COL5A1: variants seen among roughly 807,000 people sequenced by gnomAD.
COL5A1 encodes collagen type V alpha 1 chain.
Under a neutral mutation model 263.7 loss-of-function variants are expected in COL5A1, and 16 were observed. That is an observed-to-expected ratio of 0.06 (90% confidence interval 0.04 to 0.09). COL5A1 has a LOEUF of 0.09. Ranked by LOEUF, COL5A1 falls within the 10% of genes least tolerant of loss-of-function variation. The pLI is 1.00. For synonymous variants in COL5A1, 1,012 were observed against 1,004.5 expected, an observed-to-expected ratio of 1.01 and a Z score of -0.14; for missense variants, 2,036 against 2,540.5, an observed-to-expected ratio of 0.80 and a Z score of 4.27.
intron 52 of COL5A1, among the ~76,000 whole-genome samples, chr9:134,816,390 C>T (rs1029914381): frequency 5.3e-5 from 8 of 152,218 alleles, no homozygotes; most frequent in African/African-American, 1.7e-4. Context: ...TGACGCTTGG[C>T]GTTGAGTGTT....
At chr9:134,743,912 C>G (rs931846961) in intron 11 of COL5A1, among the ~76,000 whole-genome samples, 1 of 152,202 alleles carries the variant, frequency 6.6e-6, no homozygotes, top group Non-Finnish European at 1.5e-5. Context: ...TGTGGCTCAC[C>G]TCTACCTAAC....
In COL5A1 at chr9:134,754,857, G is replaced by C. The variant is rs1835915374; in HGVS notation, c.1827+531G>C. On this transcript the variant is annotated intron_variant, in intron 16 of 65. Transcript: ENST00000371817. This position sits in a 1 kb window ranked among gnomAD's most constrained non-coding sequence, Gnocchi z 4.3. ...GCTGACCACCACCCAGACAGGCTGG[G>C]GCAGGCCCTGGGAGCCCAGATTGTG... is the stretch of plus-strand genomic sequence containing the variant. Among the ~76,000 whole-genome samples, 2 of 152,144 alleles carry C rather than the reference G, an allele frequency of 1.3e-5. No individual in the cohort carries two copies. Among genetic ancestry groups the C allele is most frequent in the Non-Finnish European group, 2.9e-5 (2 of 68,028 alleles).
chr9:134,728,622 G>T (rs373479369), intron 5 of COL5A1, 48 bp from the exon 6 acceptor site: 4 of 1,612,366 alleles, frequency 2.5e-6, no homozygotes, highest in Non-Finnish European at 3.4e-6. Flanking sequence ...CAGGCTGGTC[G>T]CTCTGCGGGC....
At position 134,811,408 on chromosome 9, in the gene COL5A1, C is replaced by T. The variant is rs1435756267; in HGVS notation, c.3582+16C>T. 1.2e-6 allele frequency: 2 copies of T among 1,613,674 alleles called. No homozygotes were observed. The highest frequency in any genetic ancestry group is 1.1e-5 in the South Asian group (1 of 91,048). On this transcript the variant is annotated intron_variant, in intron 45 of 65. Coordinates refer to ENST00000371817, the MANE Select transcript of COL5A1 (RefSeq NM_000093.5). ...AGGCCCCTCTGTGAGTATCCATGGT[C>T]AATGACCTTCGAAAAGCCCCACGCC... is the stretch of plus-strand genomic sequence containing the variant.
intron 2 of COL5A1, among the ~76,000 whole-genome samples, chr9:134,692,534 G>A (rs1319199328): frequency 2.0e-5 from 3 of 152,162 alleles, no homozygotes; most frequent in Non-Finnish European, 4.4e-5. Context: ...CCAGGGAAGG[G>A]CTTAGAGAGC....
intron 27 of COL5A1, 132 bp from the exon 28 acceptor site, chr9:134,779,970 T>C: frequency 1.1e-6 from 1 of 952,128 alleles, no homozygotes; most frequent in Non-Finnish European, 1.7e-6. Flanking sequence ...TGGGAGGAAG[T>C]GTGTTGAGGG....
chr9:134,750,745 T>C, intron 12 of COL5A1, 45 bp from the exon 13 acceptor site: 1 of 1,605,180 alleles, frequency 6.2e-7, no homozygotes, highest in Non-Finnish European at 8.5e-7. Flanking sequence ...CTTGCCTGGG[T>C]GCCACGTCAC....
At chr9:134,645,251 G>A (rs2132461203) in intron 1 of COL5A1, among the ~76,000 whole-genome samples, 1 of 152,266 alleles carries the variant, frequency 6.6e-6, no homozygotes, top group East Asian at 1.9e-4. Context: ...GATATTTCTG[G>A]ACTCCCCACC....
chr9:134,826,329 C>T (rs900602062), intron 63 of COL5A1, among the ~76,000 whole-genome samples: 1 of 152,200 alleles, frequency 6.6e-6, no homozygotes, highest in East Asian at 1.9e-4. Flanking sequence ...TATTATCCAG[C>T]CTGTTTCTGT....
intron 1 of COL5A1, among the ~76,000 whole-genome samples, chr9:134,685,436 ATCCATTGTCCATCAT>A: frequency 2.9e-5 from 1 of 33,906 alleles, no homozygotes; most frequent in Non-Finnish European, 5.7e-5. Context: ...CCATCCATCC[ATCCATTGTCCATCAT>A]CCATCCATCC....
chr9:134,798,563 C>T, intron 37 of COL5A1, 102 bp downstream of exon 37: 1 of 780,856 alleles, frequency 1.3e-6, no homozygotes, highest in Non-Finnish European at 1.9e-6. Flanking sequence ...ACCCTCCTGG[C>T]CTGGGAGAGA....
chr9:134,744,319 GC>G (rs2132665803), intron 11 of COL5A1, among the ~76,000 whole-genome samples: 1 of 140,576 alleles, frequency 7.1e-6, no homozygotes, highest in East Asian at 2.2e-4. Context: ...ACATTCACAT[GC>G]ACTCATGCAC....
At chr9:134,740,607 C>T (rs370307266) in intron 11 of COL5A1, among the ~76,000 whole-genome samples, 27 of 152,352 alleles carry the variant, frequency 1.8e-4, no homozygotes, top group African/African-American at 5.3e-4. Context: ...ATCCATCCAG[C>T]GTACAGATTT....
chr9:134,685,334 G>GTCCA (rs1156712765), intron 1 of COL5A1, among the ~76,000 whole-genome samples: 2 of 27,630 alleles, frequency 7.2e-5, no homozygotes, highest in African/African-American at 2.7e-4. Context: ...CCATCCATCT[G>GTCCA]TCCATCCATC....
intron 30 of COL5A1, 53 bp from the exon 31 acceptor site, chr9:134,785,942 A>G: frequency 6.6e-7 from 1 of 1,525,844 alleles, no homozygotes; most frequent in African/African-American, 1.4e-5. Context: ...GCTCCGGGGA[A>G]ACGGATGGAG....
At chr9:134,690,496 C>T (rs1833240695) in intron 1 of COL5A1, among the ~76,000 whole-genome samples, 1 of 152,230 alleles carries the variant, frequency 6.6e-6, no homozygotes, top group African/African-American at 2.4e-5. Flanking sequence ...TCTGCCTGGG[C>T]TGCTCTCCTT....
At chr9:134,692,306 G>A (rs1229589935) in intron 2 of COL5A1, among the ~76,000 whole-genome samples, 1 of 152,182 alleles carries the variant, frequency 6.6e-6, no homozygotes, top group South Asian at 2.1e-4. Flanking sequence ...CCTCAAGCGT[G>A]TGGAACTCAT....
rs201395795 is a variant in COL5A1, at chr9:134,841,925, A to C, written c.5371-232A>C. Among the ~76,000 whole-genome samples, 6 of 152,048 alleles carry C rather than the reference A, an allele frequency of 3.9e-5. No individual in the cohort carries two copies. In the South Asian group the frequency reaches 1.0e-3, roughly 26 times the overall value. On this transcript the variant is annotated intron_variant, in intron 65 of 65. Coordinates refer to ENST00000371817, the MANE Select transcript of COL5A1 (RefSeq NM_000093.5). This position sits in a 1 kb window ranked among gnomAD's most constrained non-coding sequence, Gnocchi z 4.8. The stretch of plus-strand genomic sequence containing the variant: ...GTCCTGTCGCCTCGCTGATGCCCAC[A>C]CCACCCCACCTCCGACCTGTGCAGG...
intron 27 of COL5A1, among the ~76,000 whole-genome samples, chr9:134,779,797 G>A (rs1837185886): frequency 6.6e-6 from 1 of 152,232 alleles, no homozygotes; most frequent in Non-Finnish European, 1.5e-5. Flanking sequence ...GGAAGCAGGA[G>A]GGGTGTGTTG....
Sources: gnomAD v4.1 joint callset for allele counts (sites outside exome capture counted in the v4.1 genomes callset) on GRCh38, gnomAD v4.1.1 for gene constraint, Gnocchi (gnomAD v3.1) non-coding constraint, MANE v1.5 for transcripts, NCBI Gene and HGNC (gene_info 2026-07-23, HGNC 2026-07-21) for gene names.